The following BNIP2 variants were observed in gnomAD, a reference collection of about 807,000 sequenced individuals.
The protein encoded by BNIP2 is BCL2/adenovirus E1B 19 kDa protein-interacting protein 2.
Under a neutral mutation model 43.4 loss-of-function variants are expected in BNIP2, and 36 were observed. That is an observed-to-expected ratio of 0.83 (90% CI 0.64 to 1.10). The LOEUF (loss-of-function observed/expected upper bound fraction) is 1.10. Ranked by LOEUF, BNIP2 falls within the 50% of genes least tolerant of loss-of-function variation. The probability of loss-of-function intolerance (pLI) is 0.00; values close to 1 mark genes in which losing one functional copy is unlikely to be tolerated. For synonymous variants in BNIP2, 146 were observed against 121.0 expected (o/e 1.21, Z -1.35); for missense variants, 417 against 374.1 (o/e 1.11, Z -0.95).
chr15:59,668,930 G>A lies in BNIP2; in HGVS notation c.855C>T (p.Val285=). 6.2e-7 allele frequency: 1 copy of A among 1,613,680 alleles called. No individual in the cohort carries two copies. The highest frequency in any genetic ancestry group is 1.1e-5 in the South Asian group (1 of 91,034). Residue 285 remains valine (V), a synonymous_variant, in exon 9 of 10, where the codon GTC becomes GTT. Coordinates refer to ENST00000607373, the MANE Select transcript of BNIP2 (RefSeq NM_004330.4). ...CTGGTATGCCAACGTATTCCATGGG[G>A]ACAAGTTCTGCTAGTTCTGCCAAAT... The part of the protein sequence containing the change: ...VFNLAELAEL[V]PMEYVGIPEC...
chr15:59,668,171 C>T (rs1185605980), intron 9 of BNIP2: 2 of 1,156,242 alleles, frequency 1.7e-6, no homozygotes, highest in East Asian at 1.2e-4. Context: ...AGTAAATATA[C>T]ATGTTATGAA....
At chr15:59,680,207 A>G (rs1461560316) in intron 3 of BNIP2, 34 bp downstream of exon 3, 3 of 1,451,440 alleles carry the variant, frequency 2.1e-6, no homozygotes, top group African/African-American at 1.4e-5. Context: ...CACAAAGTCC[A>G]TAATTTCAAT....
At chr15:59,669,592 C>G (rs1892778209) in intron 7 of BNIP2, among the ~76,000 whole-genome samples, 2 of 152,214 alleles carry the variant, frequency 1.3e-5, no homozygotes, top group Non-Finnish European at 2.9e-5. Flanking sequence ...ACAGTATAGC[C>G]TGTTACTAAA....
intron 5 of BNIP2, among the ~76,000 whole-genome samples, chr15:59,674,902 T>C (rs1340138728): frequency 1.3e-5 from 2 of 152,300 alleles, no homozygotes; most frequent in African/African-American, 4.8e-5. Context: ...GTATATCCCA[T>C]AAGTATGGAA....
At chr15:59,689,013 T>C (rs1015586432) in intron 1 of BNIP2, 122 bp downstream of exon 1, 2 of 1,445,846 alleles carry the variant, frequency 1.4e-6, no homozygotes, top group Admixed American at 2.8e-5. Context: ...CTACCAAGGG[T>C]AACTCTCTGG....
intron 9 of BNIP2, 52 bp from the exon 10 acceptor site, chr15:59,664,172 T>C (rs1892428678): frequency 8.1e-7 from 1 of 1,239,898 alleles, no homozygotes; most frequent in Non-Finnish European, 1.1e-6. Context: ...AACAATTTTC[T>C]TTCTAAAAAT....
intron 5 of BNIP2, chr15:59,677,397 T>C (rs1666641969): frequency 2.0e-6 from 3 of 1,512,760 alleles, no homozygotes; most frequent in African/African-American, 1.4e-5. Flanking sequence ...TTTTCCGTAC[T>C]CCAAACCATC....
At position 59,659,319 on chromosome 15, in the gene BNIP2, G is replaced by C. The variant is rs996638934; in HGVS notation, c.*4750C>G. ...ACCACATTAATATCTTGCACACACA[G>C]ACATCAGAACTGAATTTCTGACAGT... On this transcript the variant is annotated 3_prime_UTR_variant, in exon 10 of 10. Coordinates refer to ENST00000607373, the MANE Select transcript of BNIP2 (RefSeq NM_004330.4). The C allele has an allele frequency of 1.3e-5, 2 of 152,168 alleles. No individual in the cohort carries two copies. Among genetic ancestry groups the C allele is most frequent in the East Asian group, 3.9e-4 (2 of 5,190 alleles). 9.4% of individuals were successfully genotyped at this position (152,168 alleles called of 1,614,324 possible). A position where few individuals can be genotyped will look rare whatever the true frequency, so the allele number is the denominator to read the frequency against.
rs1386357840 is a variant in BNIP2 at position 59,668,913 on chromosome 15, C to G, written c.872G>C (p.Gly291Ala). Residue 291 changes from glycine to alanine, a missense_variant, in exon 9 of 10, where the codon GGC (glycine) becomes GCC (alanine). Physicochemically the swap from Gly to Ala is moderately conservative, Grantham distance 60. Coordinates refer to ENST00000607373, the MANE Select transcript of BNIP2 (RefSeq NM_004330.4). ...LAELVPMEYV[G>A]IPECIKQVDQ... ...ATACTGTTTTATGCATTCTGGTATGCCAACGTATTCCATGGGGACAAGTTC... is the reference window on the plus strand; with the variant it reads ...ATACTGTTTTATGCATTCTGGTATGGCAACGTATTCCATGGGGACAAGTTC... 1.2e-6 allele frequency: 2 copies of G among 1,613,502 alleles called. No homozygotes were observed. The highest frequency in any genetic ancestry group is 1.7e-6 in the Non-Finnish European group (2 of 1,179,660).
intron 9 of BNIP2, chr15:59,668,688 G>C: frequency 2.0e-6 from 1 of 489,290 alleles, no homozygotes; most frequent in East Asian, 3.3e-5. Flanking sequence ...TTCTTCAACT[G>C]ACAGCCTGAA....
intron 7 of BNIP2, among the ~76,000 whole-genome samples, chr15:59,669,719 T>C (rs1892785166): frequency 6.6e-6 from 1 of 152,206 alleles, no homozygotes; most frequent in South Asian, 2.1e-4. Flanking sequence ...AAATTGGTGC[T>C]AAGTTCTTCA....
chr15:59,665,596 C>G (rs1892524550), intron 9 of BNIP2, among the ~76,000 whole-genome samples: 1 of 151,950 alleles, frequency 6.6e-6, no homozygotes, highest in African/African-American at 2.4e-5. Flanking sequence ...GGTGACAGAG[C>G]AAGACCCTGT....
At chr15:59,673,501 T>C (rs540126291) in intron 5 of BNIP2, among the ~76,000 whole-genome samples, 2 of 152,324 alleles carry the variant, frequency 1.3e-5, no homozygotes, top group African/African-American at 2.4e-5. Context: ...TCACAGCTCA[T>C]GCAGCCTTGA....
intron 1 of BNIP2, among the ~76,000 whole-genome samples, chr15:59,686,535 C>T (rs1435025366): frequency 6.6e-6 from 1 of 152,150 alleles, no homozygotes; most frequent in African/African-American, 2.4e-5. Context: ...GATGGAAACG[C>T]CCGGGCAAGC....
rs1178604674 is a variant in BNIP2 at position 59,688,620 on chromosome 15, C to T, written c.-58+515G>A. On this transcript the variant is annotated intron_variant, in intron 1 of 9. Transcript: ENST00000607373. ...TTGTGTCTAGATTCACGCGGGGACTCGGCTTTTGACGTACACACTCTGTAT... is the reference window on the plus strand; with the variant it reads ...TTGTGTCTAGATTCACGCGGGGACTTGGCTTTTGACGTACACACTCTGTAT... 10 of 1,302,530 alleles carry T rather than the reference C, an allele frequency of 7.7e-6. No homozygotes were observed. In the South Asian group the frequency reaches 9.0e-5, roughly 12 times the overall value. The allele number at this position is 1,302,530 out of a possible 1,614,324, so 80.7% of individuals were successfully genotyped here.
At chr15:59,669,747 G>C (rs939260706) in intron 7 of BNIP2, among the ~76,000 whole-genome samples, 1 of 152,230 alleles carries the variant, frequency 6.6e-6, no homozygotes, top group East Asian at 1.9e-4. Context: ...GAAAAGCACT[G>C]TGCAGGCAGA....
intron 1 of BNIP2, among the ~76,000 whole-genome samples, chr15:59,686,721 G>C (rs3784389): frequency 0.29 from 43,824 of 152,110 alleles, 6,933 homozygotes; most frequent in Admixed American, 0.34. Flanking sequence ...TGCTCTATCA[G>C]AAATGTTAAC....
chr15:59,682,116 C>CA (rs1184442626), intron 2 of BNIP2, among the ~76,000 whole-genome samples: 2 of 152,042 alleles, frequency 1.3e-5, no homozygotes, highest in Admixed American at 6.6e-5. Flanking sequence ...ATCACGAGGT[C>CA]AGGAGTTTGA....
In BNIP2 at chr15:59,662,384, T is replaced by C. The variant is rs1370354844; in HGVS notation, c.*1685A>G. 6.6e-6 allele frequency: 1 copy of C among 152,220 alleles called. No homozygotes were observed. The highest frequency in any genetic ancestry group is 1.5e-5 in the Non-Finnish European group (1 of 68,044). The allele number at this position is 152,220 out of a possible 1,614,324, so 9.4% of individuals were successfully genotyped here. On this transcript the variant is annotated 3_prime_UTR_variant, in exon 10 of 10. Coordinates refer to ENST00000607373, the MANE Select transcript of BNIP2 (RefSeq NM_004330.4). ...TTCCTAAAATGTGAGCAAGCAATAA[T>C]CGTTTTGGCTCAATTCACTGTAATG...
Sources: gnomAD v4.1 joint callset for allele counts (sites outside exome capture counted in the v4.1 genomes callset) on GRCh38, gnomAD v4.1.1 for gene constraint, MANE v1.5 for transcripts, NCBI Gene and HGNC (gene_info 2026-07-23, HGNC 2026-07-21) for gene names.